The following SLC24A2 variants were observed in gnomAD, a reference collection of about 807,000 sequenced individuals.
The protein encoded by SLC24A2 is sodium/potassium/calcium exchanger 2.
A neutral mutation model predicts 62.0 loss-of-function variants in SLC24A2; 36 were observed. The observed-to-expected ratio is 0.58, with a 90% CI of 0.44 to 0.77. The LOEUF (loss-of-function observed/expected upper bound fraction) is 0.77, where lower values mean the gene tolerates loss of function less well. Ranked by LOEUF, SLC24A2 falls within the 30% of genes least tolerant of loss-of-function variation. SLC24A2 has a pLI of 0.00. For missense variants in SLC24A2, 846 were observed against 817.9 expected (o/e 1.03, Z -0.42); for synonymous variants, 358 against 294.0 (o/e 1.22, Z -2.23).
At chr9:19,857,732 C>T in the SLC24A2 span, among the ~76,000 whole-genome samples, 6 of 140,608 alleles carry the variant, frequency 4.3e-5, no homozygotes, top group South Asian at 1.4e-3. Context: ...GCTAAACTAA[C>T]ATTACTTCAG....
At chr9:19,887,468 G>T in the SLC24A2 span, among the ~76,000 whole-genome samples, 1 of 152,042 alleles carries the variant, frequency 6.6e-6, no homozygotes, top group Non-Finnish European at 1.5e-5. Context: ...CATCACTAAT[G>T]ATCATGGAAA....
At chr9:19,931,187 A>T in the SLC24A2 span, among the ~76,000 whole-genome samples, 1 of 152,234 alleles carries the variant, frequency 6.6e-6, no homozygotes, top group Admixed American at 6.5e-5. Context: ...CCTTCCAGCC[A>T]AGTAAGACAA....
At chr9:19,531,869 T>C (rs531743623) in intron 8 of SLC24A2, among the ~76,000 whole-genome samples, 1 of 152,242 alleles carries the variant, frequency 6.6e-6, no homozygotes, top group Admixed American at 6.5e-5. Flanking sequence ...ATCTAGTTGT[T>C]TTGAGGACTT....
At chr9:19,696,429 C>T (rs1193713813) in intron 2 of SLC24A2, among the ~76,000 whole-genome samples, 1 of 152,158 alleles carries the variant, frequency 6.6e-6, no homozygotes, top group African/African-American at 2.4e-5. Context: ...GCCATTTGCA[C>T]AGCTCCTCCA....
the SLC24A2 span, among the ~76,000 whole-genome samples, chr9:19,865,073 T>A: frequency 1.3e-5 from 2 of 151,892 alleles, no homozygotes; most frequent in African/African-American, 4.8e-5. Flanking sequence ...TAAAAAGTAG[T>A]CCCATTTACA....
chr9:20,021,034 T>C, the SLC24A2 span, among the ~76,000 whole-genome samples: 1 of 152,178 alleles, frequency 6.6e-6, no homozygotes, highest in Non-Finnish European at 1.5e-5. Context: ...ACATACTGTA[T>C]ACATAGACAT....
At chr9:19,855,666 T>A in the SLC24A2 span, among the ~76,000 whole-genome samples, 3 of 152,232 alleles carry the variant, frequency 2.0e-5, no homozygotes, top group Admixed American at 6.5e-5. Flanking sequence ...CTGCTGTTAG[T>A]CTGATGGGCT....
At chr9:19,832,357 A>C in the SLC24A2 span, among the ~76,000 whole-genome samples, 17 of 152,340 alleles carry the variant, frequency 1.1e-4, no homozygotes, top group East Asian at 2.3e-3. Context: ...ACTTAATTAA[A>C]CATGTTGTAA....
chr9:19,904,736 C>T, the SLC24A2 span, among the ~76,000 whole-genome samples: 1 of 152,156 alleles, frequency 6.6e-6, no homozygotes, highest in Non-Finnish European at 1.5e-5. Context: ...TTTATAGTCT[C>T]TTGGGCATTT....
the SLC24A2 span, among the ~76,000 whole-genome samples, chr9:20,266,765 AC>A: frequency 1.3e-5 from 2 of 152,216 alleles, no homozygotes. Flanking sequence ...AAGTGGAGAC[AC>A]TGAGCAGTAC....
At chr9:19,649,281 C>T (rs561323013) in intron 2 of SLC24A2, among the ~76,000 whole-genome samples, 2 of 151,946 alleles carry the variant, frequency 1.3e-5, no homozygotes, top group Admixed American at 6.6e-5. Flanking sequence ...TGATAATTGA[C>T]GGGAAGTATT....
chr9:19,768,959 G>A (rs1052764355), intron 2 of SLC24A2, among the ~76,000 whole-genome samples: 1 of 152,088 alleles, frequency 6.6e-6, no homozygotes, highest in Non-Finnish European at 1.5e-5. Context: ...ATTCCTGGGT[G>A]ATTTTATTCC....
chr9:20,000,635 C>T, the SLC24A2 span, among the ~76,000 whole-genome samples: 1 of 152,214 alleles, frequency 6.6e-6, no homozygotes, highest in African/African-American at 2.4e-5. Context: ...TCTTCTCCCG[C>T]AGTCTCCATA....
At chr9:20,008,217 G>A in the SLC24A2 span, among the ~76,000 whole-genome samples, 2 of 151,954 alleles carry the variant, frequency 1.3e-5, 1 homozygote, top group African/African-American at 4.8e-5. Flanking sequence ...TCTTAAGCCT[G>A]ACTCTGGGCT....
chr9:20,275,206 A>C, the SLC24A2 span, among the ~76,000 whole-genome samples: 1 of 152,202 alleles, frequency 6.6e-6, no homozygotes, highest in Non-Finnish European at 1.5e-5. Context: ...GTTAGGGGTT[A>C]CGGCAAACAA....
the SLC24A2 span, among the ~76,000 whole-genome samples, chr9:20,146,034 C>G: frequency 6.6e-6 from 1 of 151,842 alleles, no homozygotes; most frequent in African/African-American, 2.4e-5. Context: ...TTACCCAATC[C>G]CCCAACTGAT....
chr9:19,531,589 T>C (rs1294591862), intron 8 of SLC24A2, among the ~76,000 whole-genome samples: 1 of 152,126 alleles, frequency 6.6e-6, no homozygotes, highest in East Asian at 1.9e-4. Context: ...TGCTGGACAT[T>C]AGCTGGTTGT....
At chr9:19,763,637 C>A (rs1416042784) in intron 2 of SLC24A2, among the ~76,000 whole-genome samples, 1 of 152,162 alleles carries the variant, frequency 6.6e-6, no homozygotes, top group African/African-American at 2.4e-5. Context: ...TATGTTGAAC[C>A]AGTCTTGCAT....
chr9:19,901,684 G>A, the SLC24A2 span, among the ~76,000 whole-genome samples: 1 of 152,078 alleles, frequency 6.6e-6, no homozygotes, highest in African/African-American at 2.4e-5. Flanking sequence ...CTACAATTAG[G>A]CCCTAGATGT....
Sources: gnomAD v4.1 joint callset for allele counts (sites outside exome capture counted in the v4.1 genomes callset) on GRCh38, gnomAD v4.1.1 for gene constraint, MANE v1.5 for transcripts, NCBI Gene and HGNC (gene_info 2026-07-23, HGNC 2026-07-21) for gene names.